GRK3: variants seen among roughly 807,000 people sequenced by gnomAD.
GRK3 encodes the protein adrenergic, beta, receptor kinase 2.
A neutral mutation model predicts 95.7 loss-of-function variants in GRK3; 54 were observed. That is an observed-to-expected ratio of 0.56 (90% CI 0.45 to 0.71). The LOEUF is 0.71. GRK3 is among the 30% of genes least tolerant of loss of function. The pLI, the probability that GRK3 is intolerant of heterozygous loss-of-function variation, is 0.00. For synonymous variants in GRK3, 281 were observed against 290.8 expected (o/e 0.97, Z 0.34); for missense variants, 649 against 851.2 (o/e 0.76, Z 2.96).
In GRK3 at chr22:25,605,237, A is replaced by G. The variant is rs565432408; in HGVS notation, c.190+784A>G. ...GGAGTGGTTTGGAGAAGCAGATGAC[A>G]TTGGTCTGTCTGTGCCTGAGCACTG... On this transcript the variant is annotated intron_variant, in intron 2 of 20. Coordinates refer to ENST00000324198, the MANE Select transcript of GRK3 (RefSeq NM_005160.4). Among the ~76,000 whole-genome samples the G allele has an allele frequency of 3.0e-4, 46 of 152,262 alleles. 1 individual carries two copies. The highest frequency in any genetic ancestry group is 2.9e-3 in the South Asian group (14 of 4,826).
At chr22:25,699,942 C>T (rs1001928150) in intron 13 of GRK3, among the ~76,000 whole-genome samples, 8 of 152,190 alleles carry the variant, frequency 5.3e-5, no homozygotes, top group African/African-American at 1.7e-4. Context: ...CCGTGATCTG[C>T]CCGCCTCGGC....
At chr22:25,706,445 T>C (rs577069645) in intron 15 of GRK3, among the ~76,000 whole-genome samples, 2 of 152,364 alleles carry the variant, frequency 1.3e-5, no homozygotes, top group East Asian at 3.9e-4. Context: ...TGTCAGTCAC[T>C]GCCCCTGTGT....
In GRK3 at chr22:25,721,302, G is replaced by T; in HGVS notation, c.1810G>T (p.Glu604Ter). ...GESRQNLLTMEQILSVEETQI... is the reference protein window; with the variant it reads ...GESRQNLLTM ...TGGTTAGCAAAATTTACTGACAATGGAACAGATTCTCTCTGTGGAAGAAAC... is the reference window on the plus strand; with the variant it reads ...TGGTTAGCAAAATTTACTGACAATGTAACAGATTCTCTCTGTGGAAGAAAC... The change falls in exon 20 of 21, where the codon GAA (glutamate) becomes TAA (stop). Residue 604 changes from glutamate to a stop codon, truncating the protein, a stop_gained. Transcript: ENST00000324198. LOFTEE classifies it high-confidence loss of function. 1 of 1,586,446 alleles carries T rather than the reference G, an allele frequency of 6.3e-7. No individual in the cohort carries two copies. The highest frequency in any genetic ancestry group is 1.2e-5 in the South Asian group (1 of 86,190).
chr22:25,677,666 A>T (rs531958440), intron 8 of GRK3, among the ~76,000 whole-genome samples: 40 of 152,356 alleles, frequency 2.6e-4, no homozygotes, highest in African/African-American at 9.6e-4. Flanking sequence ...ATGATAAGTT[A>T]TGATCAACAA....
chr22:25,569,069 T>C (rs1363502314), intron 1 of GRK3, among the ~76,000 whole-genome samples: 6 of 152,244 alleles, frequency 3.9e-5, no homozygotes, highest in Non-Finnish European at 4.4e-5. Flanking sequence ...GGTGGATAAC[T>C]TGAAATACTC....
chr22:25,662,336 A>T (rs912168682), intron 4 of GRK3, among the ~76,000 whole-genome samples: 5 of 152,252 alleles, frequency 3.3e-5, no homozygotes, highest in African/African-American at 7.2e-5. Flanking sequence ...GGCAATTTAC[A>T]TTTAACTTTA....
intron 1 of GRK3, among the ~76,000 whole-genome samples, chr22:25,595,940 C>T (rs945298778): frequency 4.6e-5 from 7 of 152,054 alleles, no homozygotes; most frequent in Non-Finnish European, 1.0e-4. Flanking sequence ...GAGCGAGACC[C>T]GCTTTGTATG....
Position 25,709,846 on chromosome 22 carries a change from T to C in GRK3, c.1329-52T>C, listed in dbSNP as rs372724630. The C allele has an allele frequency of 2.2e-6, 3 of 1,362,784 alleles. No individual in the cohort carries two copies. In the East Asian group the frequency reaches 6.9e-5, roughly 31 times the overall value. The allele number at this position is 1,362,784 out of a possible 1,614,324, so 84.4% of individuals were successfully genotyped here. On this transcript the variant is annotated intron_variant, in intron 15 of 20. Coordinates refer to ENST00000324198, the MANE Select transcript of GRK3 (RefSeq NM_005160.4). ...ACAGGAGACAGTTTTGCACAATATTTATTACGTTTCCAAATGCATACTCAG... is the reference window on the plus strand; with the variant it reads ...ACAGGAGACAGTTTTGCACAATATTCATTACGTTTCCAAATGCATACTCAG...
At chr22:25,654,883 G>C (rs2084858947) in intron 3 of GRK3, among the ~76,000 whole-genome samples, 1 of 152,122 alleles carries the variant, frequency 6.6e-6, no homozygotes, top group Non-Finnish European at 1.5e-5. Context: ...CTTGGCACAT[G>C]GTGGGTCTGG....
chr22:25,636,724 A>G lies in GRK3; in HGVS notation c.191-7868A>G, dbSNP rs555393169. ...TTCCCAGTCAATTTCATGTTCATAG[A>G]CGCAAGCATTTTTCTGATTTTTTTT... On this transcript the variant is annotated intron_variant, in intron 2 of 20. Coordinates refer to ENST00000324198, the MANE Select transcript of GRK3 (RefSeq NM_005160.4). Among the ~76,000 whole-genome samples, 25 of 152,226 alleles carry G rather than the reference A, an allele frequency of 1.6e-4. No homozygotes were observed. In the South Asian group the frequency reaches 5.2e-3, roughly 32 times the overall value.
chr22:25,673,539 C>T (rs8142284), intron 7 of GRK3, among the ~76,000 whole-genome samples: 2,628 of 151,762 alleles, frequency 0.017, 79 homozygotes, highest in African/African-American at 0.059. Flanking sequence ...GTCTTTCATA[C>T]GCTTCTGCCT....
intron 8 of GRK3, 139 bp downstream of exon 8, chr22:25,674,667 A>G (rs1242033284): frequency 2.9e-6 from 2 of 696,882 alleles, no homozygotes; most frequent in South Asian, 1.9e-5. Flanking sequence ...AATAAGCTGT[A>G]GGCCGGGCGT....
At chr22:25,576,121 C>T (rs1423110971) in intron 1 of GRK3, among the ~76,000 whole-genome samples, 3 of 152,198 alleles carry the variant, frequency 2.0e-5, no homozygotes, top group Non-Finnish European at 4.4e-5. Context: ...CAGTTTGCTA[C>T]ATTGCATTAA....
intron 2 of GRK3, among the ~76,000 whole-genome samples, chr22:25,613,300 G>A (rs2146349209): frequency 6.6e-6 from 1 of 151,754 alleles, no homozygotes; most frequent in Non-Finnish European, 1.5e-5. Context: ...TCCCCTGATT[G>A]ACAGTGACAC....
intron 1 of GRK3, among the ~76,000 whole-genome samples, chr22:25,585,267 G>C (rs962063126): frequency 6.6e-6 from 1 of 152,290 alleles, no homozygotes; most frequent in African/African-American, 2.4e-5. Flanking sequence ...CATTCCATTG[G>C]CGTGTGCTAG....
At chr22:25,699,313 A>C (rs920373915) in intron 13 of GRK3, among the ~76,000 whole-genome samples, 3 of 152,078 alleles carry the variant, frequency 2.0e-5, no homozygotes, top group African/African-American at 7.2e-5. Flanking sequence ...TGAGTGGAGG[A>C]GGAGATTGAC....
At chr22:25,672,050 G>A (rs972447042) in intron 6 of GRK3, among the ~76,000 whole-genome samples, 1 of 152,146 alleles carries the variant, frequency 6.6e-6, no homozygotes, top group African/African-American at 2.4e-5. Flanking sequence ...ATTGGACTCT[G>A]CTGATTCAGA....
In GRK3 at chr22:25,722,418, T is replaced by A. The variant is rs1186472381; in HGVS notation, c.2035T>A (p.Ser679Thr). The A allele has an allele frequency of 1.2e-6, 2 of 1,614,066 alleles. No individual in the cohort carries two copies. Among genetic ancestry groups the A allele is most frequent in the South Asian group, 2.2e-5 (2 of 91,078 alleles). ...RSGTVELPKP[S>T]LCHRNSNGL Reference sequence around the variant, plus strand: ...AGGTACTGTGGAGCTCCCAAAGCCATCCCTCTGTCACAGAAACAGCAACGG... The same window carrying A: ...AGGTACTGTGGAGCTCCCAAAGCCAACCCTCTGTCACAGAAACAGCAACGG... Residue 679 changes from serine (S) to threonine (T), a missense_variant, in exon 21 of 21, where the codon TCC (serine) becomes ACC (threonine). This residue lies in a region of GRK3 where 382 missense variants were observed against 493.8 expected (regional missense o/e 0.77). Transcript: ENST00000324198.
chr22:25,647,093 T>G (rs1261573368), intron 3 of GRK3, among the ~76,000 whole-genome samples: 3 of 150,184 alleles, frequency 2.0e-5, no homozygotes, highest in Non-Finnish European at 4.4e-5. Context: ...GAAAGATAAT[T>G]GCCAGCCTAG....
Sources: allele counts gnomAD v4.1 joint callset (sites outside exome capture counted in the v4.1 genomes callset), GRCh38; gene constraint gnomAD v4.1.1; regional missense constraint gnomAD v4.1.1; transcripts MANE v1.5; gene names NCBI Gene and HGNC (gene_info 2026-07-23, HGNC 2026-07-21).